The following BACH2 variants were observed in gnomAD, a reference collection of about 807,000 sequenced individuals.
The protein encoded by BACH2 is transcription regulator protein BACH2.
In BACH2, 5 loss-of-function variants were observed where a neutral mutation model predicts 61.8. That is an observed-to-expected ratio of 0.08 (90% CI 0.04 to 0.17). The LOEUF is 0.17. Ranked by LOEUF, BACH2 falls within the 10% of genes least tolerant of loss-of-function variation. The probability of loss-of-function intolerance (pLI) is 1.00; values close to 1 mark genes in which losing one functional copy is unlikely to be tolerated. For missense variants in BACH2, 824 were observed against 1,091.1 expected, an observed-to-expected ratio of 0.76 and a Z score of 3.45; for synonymous variants, 446 against 440.1, an observed-to-expected ratio of 1.01 and a Z score of -0.17.
At chr6:90,059,276 A>AAG (rs1780549971) in intron 5 of BACH2, among the ~76,000 whole-genome samples, 2 of 152,268 alleles carry the variant, frequency 1.3e-5, no homozygotes, top group South Asian at 4.1e-4. Context: ...ACAAATTTAC[A>AAG]AGAAAAAAAC....
At chr6:90,077,397 T>C (rs1781519358) in intron 5 of BACH2, among the ~76,000 whole-genome samples, 1 of 152,132 alleles carries the variant, frequency 6.6e-6, no homozygotes, top group African/African-American at 2.4e-5. Flanking sequence ...AAAGCATTCT[T>C]CCATTTCGTT....
intron 4 of BACH2, among the ~76,000 whole-genome samples, chr6:90,154,673 A>C (rs1192571343): frequency 6.6e-6 from 1 of 152,124 alleles, no homozygotes; most frequent in Non-Finnish European, 1.5e-5. Context: ...CTGGTGAGTG[A>C]TGGGGAACAA....
At chr6:89,978,817 C>T (rs1390400816) in intron 6 of BACH2, among the ~76,000 whole-genome samples, 1 of 152,076 alleles carries the variant, frequency 6.6e-6, no homozygotes, top group African/African-American at 2.4e-5. Context: ...TTATAAAATG[C>T]ACGCTGTCCC....
At chr6:90,158,969 A>C (rs1021568230) in intron 4 of BACH2, among the ~76,000 whole-genome samples, 1 of 152,230 alleles carries the variant, frequency 6.6e-6, no homozygotes, top group Non-Finnish European at 1.5e-5. Flanking sequence ...AGCTGAGTAT[A>C]AATGGTCGAA....
chr6:90,053,278 CT>C (rs932651342), intron 5 of BACH2, among the ~76,000 whole-genome samples: 4 of 151,380 alleles, frequency 2.6e-5, no homozygotes, highest in East Asian at 1.9e-4. Context: ...GAAGTATACG[CT>C]TTTTTTTTCT....
intron 5 of BACH2, among the ~76,000 whole-genome samples, chr6:90,068,029 T>C (rs1349616889): frequency 6.6e-6 from 1 of 152,252 alleles, no homozygotes; most frequent in Non-Finnish European, 1.5e-5. Flanking sequence ...CTGAGGTTCC[T>C]TGAGATCTCT....
chr6:90,075,746 CA>C (rs1438724782), intron 5 of BACH2, among the ~76,000 whole-genome samples: 4 of 152,140 alleles, frequency 2.6e-5, no homozygotes, highest in Non-Finnish European at 4.4e-5. Context: ...AGATACTTCT[CA>C]GGTTTCTTTC....
At chr6:90,156,997 G>A (rs750742914) in intron 4 of BACH2, among the ~76,000 whole-genome samples, 5 of 152,156 alleles carry the variant, frequency 3.3e-5, no homozygotes, top group Admixed American at 3.3e-4. Context: ...ATCAGCTCAC[G>A]TCTGACAACA....
At chr6:90,026,761 G>A (rs1210069747) in intron 5 of BACH2, among the ~76,000 whole-genome samples, 1 of 152,196 alleles carries the variant, frequency 6.6e-6, no homozygotes, top group South Asian at 2.1e-4. Flanking sequence ...AGGCTTGGCA[G>A]AAATACAGCT....
At chr6:90,176,921 C>T (rs971438306) in intron 4 of BACH2, among the ~76,000 whole-genome samples, 2 of 152,112 alleles carry the variant, frequency 1.3e-5, no homozygotes, top group Non-Finnish European at 1.5e-5. Context: ...CTTAGATTGT[C>T]CTCCTTTCTG....
intron 7 of BACH2, among the ~76,000 whole-genome samples, chr6:89,939,581 T>C (rs1214848347): frequency 4.6e-5 from 7 of 151,904 alleles, no homozygotes; most frequent in African/African-American, 1.7e-4. Flanking sequence ...ATAAGCATTA[T>C]CTAAAGCGAG....
intron 5 of BACH2, among the ~76,000 whole-genome samples, chr6:90,056,564 G>A (rs567201018): frequency 6.6e-6 from 1 of 151,934 alleles, no homozygotes; most frequent in Non-Finnish European, 1.5e-5. Context: ...ACAGATCAAC[G>A]AGACAGAAAG....
chr6:89,953,246 TAGAG>T (rs1224793136), intron 6 of BACH2: 1 of 152,206 alleles, frequency 6.6e-6, no homozygotes, highest in Non-Finnish European at 1.5e-5. Context: ...CCAGTCCTCT[TAGAG>T]AGAATGAATG....
chr6:90,027,093 G>A (rs1158553796), intron 5 of BACH2, among the ~76,000 whole-genome samples: 12 of 152,126 alleles, frequency 7.9e-5, no homozygotes, highest in Non-Finnish European at 2.9e-5. Flanking sequence ...AAAACCATGA[G>A]GCTAAGACCA....
chr6:90,281,376 T>C (rs919548637), intron 1 of BACH2, among the ~76,000 whole-genome samples: 1 of 152,186 alleles, frequency 6.6e-6, no homozygotes, highest in Non-Finnish European at 1.5e-5. Context: ...AGGTCACACA[T>C]ATATAAAAAA....
At chr6:90,247,514 C>A (rs747188326) in intron 3 of BACH2, among the ~76,000 whole-genome samples, 1 of 151,964 alleles carries the variant, frequency 6.6e-6, no homozygotes, top group Non-Finnish European at 1.5e-5. Flanking sequence ...CAGGTGTGAG[C>A]CACTGTACCA....
rs1160280870 is a variant in BACH2, at chr6:89,930,453, G to A, written c.*1955C>T. The A allele has an allele frequency of 6.6e-6, 1 of 152,640 alleles. No homozygotes were observed. The highest frequency in any genetic ancestry group is 1.5e-5 in the Non-Finnish European group (1 of 68,036). The allele number at this position is 152,640 out of a possible 1,614,324, so 9.5% of individuals were successfully genotyped here. ...ACAATGGCACAAATAAAGAAACAAA[G>A]TCAACCATCTATTCCCCACTGCCCA... On this transcript the variant is annotated 3_prime_UTR_variant, in exon 9 of 9. Transcript: ENST00000257749.
chr6:89,951,034 T>C lies in BACH2; in HGVS notation c.1072A>G (p.Ser358Gly). ...CTGGCAAAGTGCTGCTGAGATGTAC[T>C]GGGCAGGCCAGACAGCTCCACACTT... Reference protein sequence around the residue: ...TKSVELSGLPSTSQQHFARSP... With the variant: ...TKSVELSGLPGTSQQHFARSP... The change falls in exon 7 of 9, where the codon AGT (serine) becomes GGT (glycine). Residue 358 changes from serine to glycine, a missense_variant. By Grantham distance (56) the Ser-to-Gly change is moderately conservative. This residue lies in a region of BACH2 where 226 missense variants were observed against 228.5 expected (regional missense o/e 0.99). Transcript: ENST00000257749. This position sits in a 1 kb window ranked among gnomAD's most constrained non-coding sequence, Gnocchi z 6.4. 1 of 1,606,814 alleles carries C rather than the reference T, an allele frequency of 6.2e-7. No individual in the cohort carries two copies.
intron 1 of BACH2, among the ~76,000 whole-genome samples, chr6:90,276,110 A>G (rs1247658971): frequency 6.6e-6 from 1 of 152,250 alleles, no homozygotes; most frequent in East Asian, 1.9e-4. Context: ...GAGGCTTTCA[A>G]TAAATGCAAG....
Sources: allele counts gnomAD v4.1 joint callset (sites outside exome capture counted in the v4.1 genomes callset), GRCh38; gene constraint gnomAD v4.1.1; regional missense constraint gnomAD v4.1.1; non-coding constraint Gnocchi (gnomAD v3.1); transcripts MANE v1.5; gene names NCBI Gene and HGNC (gene_info 2026-07-23, HGNC 2026-07-21).